PTK7: variants seen among roughly 807,000 people sequenced by gnomAD.
The protein encoded by PTK7 is inactive tyrosine-protein kinase 7.
In PTK7, 39 loss-of-function variants were observed where a neutral mutation model predicts 116.6. That is an observed-to-expected ratio of 0.33 (90% CI 0.26 to 0.44). The LOEUF (loss-of-function observed/expected upper bound fraction) is 0.44, where lower values mean the gene tolerates loss of function less well. Among genes scored for constraint, PTK7 ranks in the 20% least tolerant of loss-of-function variants. PTK7 has a pLI of 1.00. For missense variants in PTK7, 1,169 were observed against 1,425.6 expected (o/e 0.82, Z 2.90); for synonymous variants, 546 against 563.6 (o/e 0.97, Z 0.44).
intron 7 of PTK7, among the ~76,000 whole-genome samples, chr6:43,137,969 G>GC (rs1305191753): frequency 1.3e-5 from 2 of 152,090 alleles, no homozygotes; most frequent in East Asian, 3.9e-4. Context: ...ACCACACCCG[G>GC]CCAATGTTTT....
At chr6:43,103,037 A>C (rs972889324) in intron 1 of PTK7, among the ~76,000 whole-genome samples, 2 of 152,234 alleles carry the variant, frequency 1.3e-5, no homozygotes, top group East Asian at 3.8e-4. Context: ...AACTACTACA[A>C]TCAGTGAGAG....
At chr6:43,155,689 A>G (rs1242630794) in intron 17 of PTK7, among the ~76,000 whole-genome samples, 1 of 152,094 alleles carries the variant, frequency 6.6e-6, no homozygotes, top group Non-Finnish European at 1.5e-5. Context: ...TTTCATATAT[A>G]GTGTATAATA....
intron 1 of PTK7, among the ~76,000 whole-genome samples, chr6:43,122,560 G>A (rs1346792905): frequency 3.3e-5 from 5 of 151,990 alleles, no homozygotes; most frequent in Admixed American, 3.3e-4. Context: ...TCTGGCATTC[G>A]GGATATTCCC....
chr6:43,122,317 C>T (rs1769008707), intron 1 of PTK7, among the ~76,000 whole-genome samples: 1 of 152,136 alleles, frequency 6.6e-6, no homozygotes, highest in South Asian at 2.1e-4. Context: ...TCTGGCTTGG[C>T]CTTCAGAGTT....
chr6:43,080,224 C>A (rs965103979), intron 1 of PTK7, among the ~76,000 whole-genome samples: 1 of 151,354 alleles, frequency 6.6e-6, no homozygotes, highest in Non-Finnish European at 1.5e-5. Flanking sequence ...TGGTGGCAGG[C>A]GCCTGTAGTC....
chr6:43,131,919 T>A, intron 5 of PTK7, 97 bp from the exon 6 acceptor site: 1 of 1,528,106 alleles, frequency 6.5e-7, no homozygotes, highest in Non-Finnish European at 9.0e-7. Context: ...GATTCCTTAC[T>A]ACATTTCCGA....
intron 1 of PTK7, among the ~76,000 whole-genome samples, chr6:43,082,857 G>A (rs1184663978): frequency 6.6e-6 from 1 of 152,204 alleles, no homozygotes; most frequent in East Asian, 1.9e-4. Context: ...AAAGCCAGTG[G>A]AGAAACTGGA....
At chr6:43,157,200 A>G (rs1452946249) in intron 17 of PTK7, among the ~76,000 whole-genome samples, 1 of 148,200 alleles carries the variant, frequency 6.7e-6, no homozygotes, top group Non-Finnish European at 1.5e-5. Flanking sequence ...AAAAAATGTA[A>G]GCCAGAAGTT....
At chr6:43,117,238 G>A (rs1371157934) in intron 1 of PTK7, among the ~76,000 whole-genome samples, 1 of 152,210 alleles carries the variant, frequency 6.6e-6, no homozygotes, top group Non-Finnish European at 1.5e-5. Flanking sequence ...AGAGCAGGAT[G>A]TAGGAGAAGG....
At chr6:43,112,956 G>A (rs1222178491) in intron 1 of PTK7, among the ~76,000 whole-genome samples, 1 of 152,106 alleles carries the variant, frequency 6.6e-6, no homozygotes, top group Non-Finnish European at 1.5e-5. Flanking sequence ...AGCCTCCCAG[G>A]TAACTGGGAC....
Position 43,130,645 on chromosome 6 carries a change from A to G in PTK7, c.796A>G (p.Ile266Val). The change falls in exon 5 of 20, where the codon ATC becomes GTC. Residue 266 changes from isoleucine (I) to valine (V), a missense_variant. Ile to Val is a conservative substitution (Grantham distance 29). Coordinates refer to ENST00000230419, the MANE Select transcript of PTK7 (RefSeq NM_002821.5). ...LQWLFEDETP[I>V]TNRSRPPHLR... ...GTGGCTCTTTGAGGATGAGACTCCC[A>G]TCACTAACCGCAGTCGGTAAGGCAT... 2 of 1,614,198 alleles carry G rather than the reference A, an allele frequency of 1.2e-6. No homozygotes were observed. Among genetic ancestry groups the G allele is most frequent in the Non-Finnish European group, 1.7e-6 (2 of 1,180,024 alleles).
rs200947554 is a variant in PTK7 at position 43,141,927 on chromosome 6, C to T, written c.1769-4C>T. ...CTGCGCCTCGCTGGTCTCTTTTCTT[C>T]CAGTTTTTATCACCTTCAAAGTGGA... is the stretch of plus-strand genomic sequence containing the variant. On this transcript the variant is annotated splice_polypyrimidine_tract_variant and splice_region_variant and intron_variant, in intron 11 of 19. Transcript: ENST00000230419. This position sits in a 1 kb window ranked among gnomAD's most constrained non-coding sequence, Gnocchi z 4.9. 12 of 1,601,304 alleles carry T rather than the reference C, an allele frequency of 7.5e-6. No individual in the cohort carries two copies. The highest frequency in any genetic ancestry group is 1.7e-4 in the Middle Eastern group (1 of 6,010).
At chr6:43,119,336 G>A (rs1188272883) in intron 1 of PTK7, among the ~76,000 whole-genome samples, 1 of 152,152 alleles carries the variant, frequency 6.6e-6, no homozygotes, top group Non-Finnish European at 1.5e-5. Flanking sequence ...TTCTGAGCCT[G>A]TTTAGAAAAT....
intron 1 of PTK7, among the ~76,000 whole-genome samples, chr6:43,110,926 C>T (rs1768161010): frequency 6.6e-6 from 1 of 152,132 alleles, no homozygotes; most frequent in African/African-American, 2.4e-5. Flanking sequence ...AAGCTGAAGT[C>T]TAATAGTGAT....
intron 15 of PTK7, 35 bp downstream of exon 15, chr6:43,144,641 CT>C (rs1331539910): frequency 6.3e-7 from 1 of 1,581,774 alleles, no homozygotes; most frequent in East Asian, 2.2e-5. Context: ...CCCTGCCTAA[CT>C]ACAAGTCACC....
At chr6:43,131,799 T>C (rs1561967419) in intron 5 of PTK7, 7 of 614,636 alleles carry the variant, frequency 1.1e-5, no homozygotes. Context: ...CTTCCCGAGC[T>C]GATCTCCTGT....
At position 43,145,097 on chromosome 6, in the gene PTK7, G is replaced by C; in HGVS notation, c.2408-103G>C. 9.4e-7 allele frequency: 1 copy of C among 1,061,358 alleles called. No homozygotes were observed. The highest frequency in any genetic ancestry group is 1.4e-6 in the Non-Finnish European group (1 of 735,376). The allele number at this position is 1,061,358 out of a possible 1,614,324, so 65.7% of individuals were successfully genotyped here. ...AGAACCGGGTCTCGTGCCCAGCCCA[G>C]GTGGGTGGGTCCCCACTGTGGGAGA... On this transcript the variant is annotated intron_variant, in intron 15 of 19. Transcript: ENST00000230419. The surrounding 1 kb of genome is among the most constrained non-coding windows in gnomAD (Gnocchi z 4.8).
Position 43,139,576 on chromosome 6 carries a change from A to G in PTK7, c.1618+51A>G, listed in dbSNP as rs368613459. The stretch of plus-strand genomic sequence containing the variant: ...GGGGCAGGCAGGCAGTTCACTGATC[A>G]GATACATACCTGAGGGCTGCTGGGT... On this transcript the variant is annotated intron_variant, in intron 10 of 19. Coordinates refer to ENST00000230419, the MANE Select transcript of PTK7 (RefSeq NM_002821.5). This position sits in a 1 kb window ranked among gnomAD's most constrained non-coding sequence, Gnocchi z 4.6. The G allele has an allele frequency of 8.1e-5, 130 of 1,608,738 alleles. No homozygotes were observed. The highest frequency in any genetic ancestry group is 1.1e-4 in the Non-Finnish European group (125 of 1,178,062).
At chr6:43,122,870 G>A (rs1203114560) in intron 1 of PTK7, among the ~76,000 whole-genome samples, 1 of 152,174 alleles carries the variant, frequency 6.6e-6, no homozygotes, top group East Asian at 1.9e-4. Flanking sequence ...GACTCCCAAA[G>A]TGTTGGGATT....
Sources: allele counts gnomAD v4.1 joint callset (sites outside exome capture counted in the v4.1 genomes callset), GRCh38; gene constraint gnomAD v4.1.1; non-coding constraint Gnocchi (gnomAD v3.1); transcripts MANE v1.5; gene names NCBI Gene and HGNC (gene_info 2026-07-23, HGNC 2026-07-21).